Variants in HERPUD2 observed in about 807,000 individuals in gnomAD.
The protein encoded by HERPUD2 is HERPUD family member 2.
A neutral mutation model predicts 49.9 loss-of-function variants in HERPUD2; 13 were observed. The observed-to-expected ratio is 0.26, with a 90% confidence interval of 0.17 to 0.41. The LOEUF (loss-of-function observed/expected upper bound fraction) is 0.41. HERPUD2 is among the 10% of genes least tolerant of loss of function. The pLI is 1.00. For synonymous variants in HERPUD2, 172 were observed against 171.4 expected (o/e 1.00, Z -0.03); for missense variants, 449 against 492.2 (o/e 0.91, Z 0.83).
At chr7:35,653,076 T>C (rs958169096) in intron 5 of HERPUD2, among the ~76,000 whole-genome samples, 2 of 152,184 alleles carry the variant, frequency 1.3e-5, no homozygotes, top group Non-Finnish European at 2.9e-5. Flanking sequence ...ATAAGCCCTG[T>C]CATATCAATA....
At chr7:35,670,389 C>A in intron 3 of HERPUD2, 61 bp from the exon 4 acceptor site, 1 of 718,862 alleles carries the variant, frequency 1.4e-6, no homozygotes, top group Non-Finnish European at 2.1e-6. Context: ...TTCAAAAAGT[C>A]AGTAGCTAAA....
intron 5 of HERPUD2, among the ~76,000 whole-genome samples, chr7:35,661,765 A>C (rs1391078490): frequency 1.3e-5 from 2 of 152,198 alleles, no homozygotes; most frequent in Non-Finnish European, 2.9e-5. Flanking sequence ...CAGCTTAAGG[A>C]GATTTTGGGC....
chr7:35,641,655 A>G (rs1784969403), intron 5 of HERPUD2, among the ~76,000 whole-genome samples: 1 of 152,206 alleles, frequency 6.6e-6, no homozygotes, highest in Non-Finnish European at 1.5e-5. Flanking sequence ...TAGCCCGGAA[A>G]TAAGGCTGCA....
chr7:35,690,437 T>C (rs745829888), intron 2 of HERPUD2, among the ~76,000 whole-genome samples: 1 of 152,272 alleles, frequency 6.6e-6, no homozygotes, highest in Non-Finnish European at 1.5e-5. Context: ...TAAGGATCTA[T>C]AATCTTTTTA....
rs114119380 is a variant in HERPUD2 at position 35,692,381 on chromosome 7, T to G, written c.147+1803A>C. Among the ~76,000 whole-genome samples the G allele has an allele frequency of 1.1e-4, 16 of 152,216 alleles. No homozygotes were observed. The South Asian group carries it at 3.1e-3, about 30-fold the overall frequency. On this transcript the variant is annotated intron_variant, in intron 2 of 8. Transcript: ENST00000311350. ...GGTCCCTTTTGGTTTAATAGTACAATGTAAAGATCTCGCCTACGTACATAC... is the reference window on the plus strand; with the variant it reads ...GGTCCCTTTTGGTTTAATAGTACAAGGTAAAGATCTCGCCTACGTACATAC...
chr7:35,643,259 T>C (rs1278962427), intron 5 of HERPUD2, among the ~76,000 whole-genome samples: 1 of 152,208 alleles, frequency 6.6e-6, no homozygotes. Flanking sequence ...CTATCTACTT[T>C]GGCCCATTCC....
At chr7:35,645,316 G>C (rs1328976974) in intron 5 of HERPUD2, among the ~76,000 whole-genome samples, 1 of 152,100 alleles carries the variant, frequency 6.6e-6, no homozygotes, top group Non-Finnish European at 1.5e-5. Flanking sequence ...AGACAGCTGG[G>C]CTTCCCTATA....
chr7:35,646,088 A>G (rs1785050512), intron 5 of HERPUD2, among the ~76,000 whole-genome samples: 1 of 152,232 alleles, frequency 6.6e-6, no homozygotes, highest in Admixed American at 6.5e-5. Flanking sequence ...CACAATAAAT[A>G]TGTTTTGAAC....
At chr7:35,671,793 C>A (rs1785649837) in intron 3 of HERPUD2, among the ~76,000 whole-genome samples, 2 of 151,940 alleles carry the variant, frequency 1.3e-5, no homozygotes, top group Admixed American at 1.3e-4. Flanking sequence ...GGCCTGAAAC[C>A]ATTCCTGGCA....
intron 5 of HERPUD2, among the ~76,000 whole-genome samples, chr7:35,642,973 T>C (rs1173546946): frequency 1.3e-5 from 2 of 152,284 alleles, no homozygotes; most frequent in South Asian, 2.1e-4. Context: ...TCAAAAAGCT[T>C]TGCTCTTATG....
At chr7:35,643,446 G>C (rs1478743781) in intron 5 of HERPUD2, among the ~76,000 whole-genome samples, 1 of 152,158 alleles carries the variant, frequency 6.6e-6, no homozygotes, top group East Asian at 1.9e-4. Context: ...GAATGAATTA[G>C]TATGCGGCTA....
chr7:35,672,826 G>A (rs532219124), intron 3 of HERPUD2, among the ~76,000 whole-genome samples: 10 of 152,156 alleles, frequency 6.6e-5, no homozygotes, highest in South Asian at 6.2e-4. Flanking sequence ...CAAGCAATTT[G>A]TATAAAAATA....
chr7:35,666,356 GT>G (rs1363223506), intron 5 of HERPUD2, among the ~76,000 whole-genome samples: 2 of 152,184 alleles, frequency 1.3e-5, no homozygotes, highest in Non-Finnish European at 2.9e-5. Flanking sequence ...ATTCAGCTTT[GT>G]TTTTCTGTAT....
chr7:35,648,181 A>C (rs1439881479), intron 5 of HERPUD2, among the ~76,000 whole-genome samples: 3 of 152,198 alleles, frequency 2.0e-5, no homozygotes, highest in Non-Finnish European at 4.4e-5. Flanking sequence ...TCTTAAGAAC[A>C]CTTTTGATTC....
intron 5 of HERPUD2, among the ~76,000 whole-genome samples, chr7:35,649,252 G>GA (rs750758740): frequency 2.4e-3 from 292 of 119,420 alleles, no homozygotes; most frequent in Middle Eastern, 5.2e-3. Context: ...CTCCATCTCT[G>GA]AAAAAAAAAA....
chr7:35,667,899 CATG>C (rs1349776502), intron 4 of HERPUD2, among the ~76,000 whole-genome samples: 1 of 152,100 alleles, frequency 6.6e-6, no homozygotes, highest in East Asian at 1.9e-4. Context: ...GCTCTTTTCA[CATG>C]ATTAAATTAA....
At chr7:35,681,876 G>C (rs1053685985) in intron 2 of HERPUD2, among the ~76,000 whole-genome samples, 1 of 152,118 alleles carries the variant, frequency 6.6e-6, no homozygotes, top group African/African-American at 2.4e-5. Context: ...TAGGTATGGA[G>C]TTTCTGGGGT....
intron 2 of HERPUD2, among the ~76,000 whole-genome samples, chr7:35,681,961 A>C (rs1785900637): frequency 6.6e-6 from 1 of 152,214 alleles, no homozygotes; most frequent in African/African-American, 2.4e-5. Context: ...ACTGGGTCAT[A>C]TACTTTAAAG....
chr7:35,642,237 T>C (rs1784977768), intron 5 of HERPUD2, among the ~76,000 whole-genome samples: 1 of 152,000 alleles, frequency 6.6e-6, no homozygotes, highest in African/African-American at 2.4e-5. Flanking sequence ...ACTACAGAAA[T>C]GCAAATCAAA....
Sources: allele counts gnomAD v4.1 joint callset (sites outside exome capture counted in the v4.1 genomes callset), GRCh38; gene constraint gnomAD v4.1.1; transcripts MANE v1.5; gene names NCBI Gene and HGNC (gene_info 2026-07-23, HGNC 2026-07-21).